TRAPPC9: variants seen among roughly 807,000 people sequenced by gnomAD.
TRAPPC9 encodes trafficking protein particle complex subunit 9, also known as IKK2 binding protein.
In TRAPPC9, 83 loss-of-function variants were observed where a neutral mutation model predicts 124.0. That is an observed-to-expected ratio of 0.67 (90% CI 0.56 to 0.80). The LOEUF (loss-of-function observed/expected upper bound fraction) is 0.80, where lower values mean the gene tolerates loss of function less well. TRAPPC9 is among the 30% of genes least tolerant of loss of function. TRAPPC9 has a pLI of 0.00. For missense variants in TRAPPC9, 1,302 were observed against 1,508.3 expected (o/e 0.86, Z 2.27); for synonymous variants, 638 against 617.5 (o/e 1.03, Z -0.49).
intron 16 of TRAPPC9, among the ~76,000 whole-genome samples, chr8:140,245,782 C>T (rs2063969940): frequency 6.6e-6 from 1 of 152,180 alleles, no homozygotes; most frequent in Non-Finnish European, 1.5e-5. Context: ...TGATCAGCCT[C>T]AGGTGTGATT....
chr8:139,947,901 T>C (rs930396653), intron 19 of TRAPPC9, among the ~76,000 whole-genome samples: 2 of 27,260 alleles, frequency 7.3e-5, no homozygotes, highest in East Asian at 3.5e-3. Context: ...TGTGTATATA[T>C]ATATATAGAG....
intron 21 of TRAPPC9, among the ~76,000 whole-genome samples, chr8:139,747,172 C>G (rs1347488149): frequency 1.3e-5 from 2 of 152,198 alleles, no homozygotes; most frequent in Non-Finnish European, 2.9e-5. Flanking sequence ...AGCAAAGACT[C>G]TCGCCACCCA....
chr8:140,215,286 T>C (rs921245109), intron 17 of TRAPPC9, among the ~76,000 whole-genome samples: 1 of 152,130 alleles, frequency 6.6e-6, no homozygotes, highest in African/African-American at 2.4e-5. Flanking sequence ...TTCACGGACC[T>C]TTCCCATCAG....
At chr8:140,249,430 C>T (rs10110769) in intron 16 of TRAPPC9, among the ~76,000 whole-genome samples, 21,221 of 152,042 alleles carry the variant, frequency 0.14, 1,680 homozygotes, top group African/African-American at 0.2. Flanking sequence ...CAATTCACTA[C>T]TGATGGCCAC....
chr8:140,010,919 T>C (rs1839073711), intron 18 of TRAPPC9, among the ~76,000 whole-genome samples: 1 of 152,184 alleles, frequency 6.6e-6, no homozygotes, highest in African/African-American at 2.4e-5. Flanking sequence ...GGGGTATCTA[T>C]CGGACAGAAG....
At chr8:139,875,152 G>C (rs1829240095) in intron 21 of TRAPPC9, among the ~76,000 whole-genome samples, 1 of 152,168 alleles carries the variant, frequency 6.6e-6, no homozygotes, top group Non-Finnish European at 1.5e-5. Flanking sequence ...AGGTAGACAG[G>C]ACGGGGGAAG....
intron 21 of TRAPPC9, among the ~76,000 whole-genome samples, chr8:139,820,553 T>C (rs1178103446): frequency 1.3e-5 from 2 of 152,230 alleles, no homozygotes; most frequent in African/African-American, 2.4e-5. Context: ...CCAAATAGAA[T>C]GCTAACTTTA....
At chr8:139,971,675 A>G (rs1022193281) in intron 19 of TRAPPC9, among the ~76,000 whole-genome samples, 14 of 152,018 alleles carry the variant, frequency 9.2e-5, no homozygotes, top group African/African-American at 3.4e-4. Context: ...TGCACTTAAC[A>G]TGAGGAATCA....
chr8:140,412,339 A>C (rs2103026), intron 5 of TRAPPC9, among the ~76,000 whole-genome samples: 1,948 of 152,342 alleles, frequency 0.013, 45 homozygotes, highest in East Asian at 0.065. Flanking sequence ...ATGAAAAACG[A>C]AGATAGGCTG....
intron 6 of TRAPPC9, 116 bp from the exon 7 acceptor site, chr8:140,397,861 G>C (rs2132387109): frequency 7.5e-7 from 1 of 1,341,796 alleles, no homozygotes; most frequent in South Asian, 1.2e-5. Context: ...CCATCACAGG[G>C]CTCCAGATAC....
intron 4 of TRAPPC9, among the ~76,000 whole-genome samples, chr8:140,426,948 C>CA (rs1396981846): frequency 6.6e-6 from 1 of 150,824 alleles, no homozygotes; most frequent in African/African-American, 2.4e-5. Context: ...TTTTCTGAGA[C>CA]AGAGTCTTGC....
intron 16 of TRAPPC9, among the ~76,000 whole-genome samples, chr8:140,248,995 A>G (rs549702088): frequency 3.5e-4 from 53 of 151,278 alleles, no homozygotes; most frequent in Non-Finnish European, 6.0e-4. Context: ...ATGAAGATCT[A>G]TATCTCTTTA....
chr8:139,783,220 T>C (rs141160149), intron 21 of TRAPPC9, among the ~76,000 whole-genome samples: 209 of 151,416 alleles, frequency 1.4e-3, no homozygotes, highest in African/African-American at 4.8e-3. Flanking sequence ...AGAAAATCAA[T>C]AGAAAAAAAA....
chr8:139,805,523 G>A (rs182533801), intron 21 of TRAPPC9, among the ~76,000 whole-genome samples: 246 of 152,330 alleles, frequency 1.6e-3, no homozygotes, highest in African/African-American at 5.7e-3. Flanking sequence ...TGTTTATTGA[G>A]TATCCAGTGT....
chr8:140,050,526 C>A (rs558043189), intron 17 of TRAPPC9, among the ~76,000 whole-genome samples: 1 of 152,242 alleles, frequency 6.6e-6, no homozygotes, highest in South Asian at 2.1e-4. Context: ...TGCCCCCACC[C>A]CATAAACAGA....
Position 139,929,564 on chromosome 8 carries a change from G to A in TRAPPC9, c.2811-19264C>T, listed in dbSNP as rs1433746454. 2.0e-5 allele frequency among the ~76,000 whole-genome samples: 3 copies of A among 151,774 alleles called. No homozygotes were observed. In the South Asian group the frequency reaches 6.2e-4, roughly 31 times the overall value. ...CTGTCCTGTGCTTCGGGCAGCCTCA[G>A]TTCTTGGCTTTGGTTTTCTCTCCAC... On this transcript the variant is annotated intron_variant, in intron 19 of 22. Coordinates refer to ENST00000438773, the MANE Select transcript of TRAPPC9 (RefSeq NM_001160372.4).
At chr8:139,955,256 G>T (rs545533214) in intron 19 of TRAPPC9, among the ~76,000 whole-genome samples, 12 of 152,036 alleles carry the variant, frequency 7.9e-5, no homozygotes, top group Non-Finnish European at 7.4e-5. Context: ...GGGCCAGAAG[G>T]GATCCTGTAG....
chr8:139,896,978 T>A (rs1399335316), intron 20 of TRAPPC9, among the ~76,000 whole-genome samples: 1 of 152,342 alleles, frequency 6.6e-6, no homozygotes, highest in African/African-American at 2.4e-5. Context: ...GCAACAGAAC[T>A]GTGAAATCAC....
chr8:140,346,422 C>T (rs1029467058), intron 9 of TRAPPC9, among the ~76,000 whole-genome samples: 1 of 152,188 alleles, frequency 6.6e-6, no homozygotes, highest in Non-Finnish European at 1.5e-5. Flanking sequence ...CCTCCTTGTC[C>T]CTTATTATCC....
Sources: gnomAD v4.1 joint callset for allele counts (sites outside exome capture counted in the v4.1 genomes callset) on GRCh38, gnomAD v4.1.1 for gene constraint, MANE v1.5 for transcripts, NCBI Gene and HGNC (gene_info 2026-07-23, HGNC 2026-07-21) for gene names.